The following DRG2 variants were observed in gnomAD, a reference collection of about 807,000 sequenced individuals.
DRG2 encodes developmentally regulated GTP binding protein 2.
Under a neutral mutation model 53.4 loss-of-function variants are expected in DRG2, and 36 were observed. The observed-to-expected ratio is 0.67, with a 90% CI of 0.52 to 0.89. DRG2 has a LOEUF of 0.89. DRG2 is among the 40% of genes least tolerant of loss of function. The pLI, the probability that DRG2 is intolerant of heterozygous loss-of-function variation, is 0.00. For synonymous variants in DRG2, 167 were observed against 192.1 expected (o/e 0.87, Z 1.08); for missense variants, 342 against 481.2 (o/e 0.71, Z 2.71).
rs904589308 is a variant in DRG2, at chr17:18,106,448, C to T, written c.970C>T (p.Arg324Trp). 3 of 1,613,928 alleles carry T rather than the reference C, an allele frequency of 1.9e-6. No individual in the cohort carries two copies. Among genetic ancestry groups the T allele is most frequent in the Admixed American group, 1.7e-5 (1 of 59,990 alleles). Residue 324 changes from arginine to tryptophan, a missense_variant, in exon 12 of 13, where the codon CGG becomes TGG. Arg to Trp is a moderately radical substitution (Grantham distance 101, BLOSUM62 -3). Coordinates refer to ENST00000225729, the MANE Select transcript of DRG2 (RefSeq NM_001388.5). Reference protein sequence around the residue: ...SVEHVCHRIHRSLASQFKYAL... With the variant: ...SVEHVCHRIHWSLASQFKYAL... ...TGTCCTCCAGTGCCACCGCATCCAC[C>T]GGTCACTCGCCAGCCAGTTCAAGTA...
At chr17:18,093,769 GAC>G in intron 1 of DRG2, 42 bp from the exon 2 acceptor site, 1 of 1,594,852 alleles carries the variant, frequency 6.3e-7, no homozygotes. Context: ...CCTGGGCTTG[GAC>G]ACCCTGGCCA....
At chr17:18,091,884 A>G (rs911982106) in intron 1 of DRG2, 1 of 152,154 alleles carries the variant, frequency 6.6e-6, no homozygotes, top group Non-Finnish European at 1.5e-5. Flanking sequence ...AAATCTGCCT[A>G]AGAAGTTACT....
At position 18,099,844 on chromosome 17, in the gene DRG2, T is replaced by C. The variant is rs971024135; in HGVS notation, c.467+121T>C. The C allele has an allele frequency of 9.9e-7, 1 of 1,014,316 alleles. No homozygotes were observed. The highest frequency in any genetic ancestry group is 1.6e-5 in the African/African-American group (1 of 62,186). The allele number at this position is 1,014,316 out of a possible 1,614,324, so 62.8% of individuals were successfully genotyped here. A position where few individuals can be genotyped will look rare whatever the true frequency, so the allele number is the denominator to read the frequency against. ...TCACACGTGAGAGTAGTGGTAGGACTTGTCACAGACTAAACCCAACACCAC... is the reference window on the plus strand; with the variant it reads ...TCACACGTGAGAGTAGTGGTAGGACCTGTCACAGACTAAACCCAACACCAC... On this transcript the variant is annotated intron_variant, in intron 5 of 12. Transcript: ENST00000225729. This position sits in a 1 kb window ranked among gnomAD's most constrained non-coding sequence, Gnocchi z 4.4.
Position 18,100,157 on chromosome 17 carries a change from G to A in DRG2, c.468-206G>A, listed in dbSNP as rs978740176. The stretch of plus-strand genomic sequence containing the variant: ...TGCCTGTGCATGCCGACCGTAAACC[G>A]GGCCAGTCCCCTCTGGGACTGTGGC... On this transcript the variant is annotated intron_variant, in intron 5 of 12. Transcript: ENST00000225729. The surrounding 1 kb of genome is among the most constrained non-coding windows in gnomAD (Gnocchi z 4.1). 16 of 620,162 alleles carry A rather than the reference G, an allele frequency of 2.6e-5. No individual in the cohort carries two copies. The highest frequency in any genetic ancestry group is 1.4e-4 in the South Asian group (7 of 51,390). The allele number at this position is 620,162 out of a possible 1,614,324, so 38.4% of individuals were successfully genotyped here. A position where few individuals can be genotyped will look rare whatever the true frequency, so the allele number is the denominator to read the frequency against.
chr17:18,104,638 C>G lies in DRG2; in HGVS notation c.911C>G (p.Thr304Arg). ...TGCCCTGCAGAGAGGCCAGACTTCA[C>G]AGACGCCATCATTCTCCGGAAAGGG... ...TKKRGQRPDF[T>R]DAIILRKGAS... The change falls in exon 11 of 13, where the codon ACA (threonine) becomes AGA (arginine). Residue 304 changes from threonine (T) to arginine (R), a missense_variant. Thr to Arg is a moderately conservative substitution (Grantham distance 71). Coordinates refer to ENST00000225729, the MANE Select transcript of DRG2 (RefSeq NM_001388.5). 6.2e-7 allele frequency: 1 copy of G among 1,613,888 alleles called. No individual in the cohort carries two copies. The highest frequency in any genetic ancestry group is 8.5e-7 in the Non-Finnish European group (1 of 1,180,018).
chr17:18,101,819 G>C lies in DRG2; in HGVS notation c.730-102G>C, dbSNP rs1437508423. The C allele has an allele frequency of 1.5e-5, 20 of 1,368,660 alleles. No homozygotes were observed. In the East Asian group the frequency reaches 5.0e-4, roughly 34 times the overall value. 84.8% of individuals were successfully genotyped at this position (1,368,660 alleles called of 1,614,324 possible). ...CAAGGGGAGGAAGGGCGTAGACTCA[G>C]CTCTCCAAGGAAGGGCTGCAGCCGG... On this transcript the variant is annotated intron_variant, in intron 8 of 12. Coordinates refer to ENST00000225729, the MANE Select transcript of DRG2 (RefSeq NM_001388.5).
rs2045596716 is a variant in DRG2 at position 18,104,682 on chromosome 17, GTGAGTTGACAAGA to G, written c.954+2_954+14del. ...GAAAGGGGCCTCAGTGGAGCACGTGGTGAGTTGACAAGACCTGCCGTGACAAGGGGTGGGAGCT... is the reference window on the plus strand; with the variant it reads ...GAAAGGGGCCTCAGTGGAGCACGTGGCCTGCCGTGACAAGGGGTGGGAGCT... On this transcript the variant is annotated splice_donor_variant and splice_donor_5th_base_variant and intron_variant, in intron 11 of 12. Transcript: ENST00000225729. LOFTEE classifies it high-confidence loss of function. 5.6e-6 allele frequency: 9 copies of G among 1,613,724 alleles called. No homozygotes were observed. The highest frequency in any genetic ancestry group is 7.6e-6 in the Non-Finnish European group (9 of 1,180,030).
Position 18,088,016 on chromosome 17 carries a change from C to T in DRG2, c.-8C>T. The T allele has an allele frequency of 6.5e-7, 1 of 1,548,384 alleles. No individual in the cohort carries two copies. The highest frequency in any genetic ancestry group is 8.7e-7 in the Non-Finnish European group (1 of 1,145,900). On this transcript the variant is annotated 5_prime_UTR_variant, in exon 1 of 13. Coordinates refer to ENST00000225729, the MANE Select transcript of DRG2 (RefSeq NM_001388.5). ...ACCGCTGTCTGTGCGCCCACCTCTG[C>T]TGCTACCATGGGGATCTTAGAGAAG...
rs75871418 is a variant in DRG2, at chr17:18,104,701, C to T, written c.954+20C>T. On this transcript the variant is annotated intron_variant, in intron 11 of 12. Coordinates refer to ENST00000225729, the MANE Select transcript of DRG2 (RefSeq NM_001388.5). ...CACGTGGTGAGTTGACAAGACCTGC[C>T]GTGACAAGGGGTGGGAGCTCTGCAT... 21 of 1,613,808 alleles carry T rather than the reference C, an allele frequency of 1.3e-5. No individual in the cohort carries two copies. The highest frequency in any genetic ancestry group is 1.5e-5 in the Non-Finnish European group (18 of 1,180,000).
At chr17:18,104,113 C>T (rs1393448539) in intron 10 of DRG2, among the ~76,000 whole-genome samples, 1 of 152,182 alleles carries the variant, frequency 6.6e-6, no homozygotes, top group Non-Finnish European at 1.5e-5. Flanking sequence ...AGTCAGTGCC[C>T]TCCTGACCTC....
intron 1 of DRG2, 50 bp from the exon 2 acceptor site, chr17:18,093,763 G>A (rs1164008643): frequency 1.1e-5 from 18 of 1,592,216 alleles, no homozygotes; most frequent in Non-Finnish European, 1.4e-5. Context: ...CTGACCCCTG[G>A]GCTTGGACAC....
intron 10 of DRG2, among the ~76,000 whole-genome samples, chr17:18,104,104 G>T (rs1369687677): frequency 6.6e-6 from 1 of 152,186 alleles, no homozygotes; most frequent in African/African-American, 2.4e-5. Flanking sequence ...GGCTGTAGCA[G>T]TCAGTGCCCT....
At position 18,098,946 on chromosome 17, in the gene DRG2, C is replaced by T; in HGVS notation, c.316-71C>T. ...TGAGCCCCGGGGCCATTCCAGATGT[C>T]CCAGATCCAGACAGGACCTTTCCAG... On this transcript the variant is annotated intron_variant, in intron 3 of 12. Transcript: ENST00000225729. The surrounding 1 kb of genome is among the most constrained non-coding windows in gnomAD (Gnocchi z 4.1). The T allele has an allele frequency of 6.4e-7, 1 of 1,573,876 alleles. No homozygotes were observed. Among genetic ancestry groups the T allele is most frequent in the Middle Eastern group, 1.7e-4 (1 of 5,736 alleles).
At chr17:18,088,401 C>T (rs757126850) in intron 1 of DRG2, among the ~76,000 whole-genome samples, 2 of 152,232 alleles carry the variant, frequency 1.3e-5, no homozygotes, top group African/African-American at 4.8e-5. Context: ...ACCTCAGTCT[C>T]CTGATGGCTG....
chr17:18,093,829 G>A lies in DRG2; in HGVS notation c.81G>A (p.Leu27=). The stretch of plus-strand genomic sequence containing the variant: ...ATCCTTTAGCCACTGAGTATCATCT[G>A]GGCCTGCTGAAAGCTAAGCTCGCCA... ...TQKNKATEYH[L]GLLKAKLAKY... Residue 27 remains leucine (L), a synonymous_variant, in exon 2 of 13, where the codon CTG becomes CTA. Transcript: ENST00000225729. 5.0e-6 allele frequency: 8 copies of A among 1,614,078 alleles called. No homozygotes were observed. The highest frequency in any genetic ancestry group is 6.8e-6 in the Non-Finnish European group (8 of 1,179,984).
At chr17:18,106,303 GAC>G (rs2045628875) in intron 11 of DRG2, 128 bp from the exon 12 acceptor site, 2 of 970,792 alleles carry the variant, frequency 2.1e-6, no homozygotes, top group Non-Finnish European at 3.3e-6. Context: ...ACAAGGCCCA[GAC>G]TGTGTGGGCA....
At chr17:18,096,687 T>G (rs1438857229) in intron 2 of DRG2, 4 of 152,232 alleles carry the variant, frequency 2.6e-5, no homozygotes, top group Non-Finnish European at 4.4e-5. Flanking sequence ...ACAGAATCAC[T>G]CTGGCTGTTG....
chr17:18,092,757 G>A (rs576375521), intron 1 of DRG2, among the ~76,000 whole-genome samples: 1 of 152,314 alleles, frequency 6.6e-6, no homozygotes, highest in East Asian at 1.9e-4. Flanking sequence ...ATCTAACGAA[G>A]TTACCCTGAA....
At position 18,107,256 on chromosome 17, in the gene DRG2, C is replaced by G; in HGVS notation, c.*16C>G. 6.2e-7 allele frequency: 1 copy of G among 1,611,698 alleles called. No homozygotes were observed. Among genetic ancestry groups the G allele is most frequent in the South Asian group, 1.1e-5 (1 of 91,034 alleles). On this transcript the variant is annotated 3_prime_UTR_variant, in exon 13 of 13. Coordinates refer to ENST00000225729, the MANE Select transcript of DRG2 (RefSeq NM_001388.5). ...GAAGAAGTAACGGCGCCTGCCGGGC[C>G]TCCCGCCCACCTGCCTCGTCTCCCT...
Sources: allele counts gnomAD v4.1 joint callset (sites outside exome capture counted in the v4.1 genomes callset), GRCh38; gene constraint gnomAD v4.1.1; non-coding constraint Gnocchi (gnomAD v3.1); transcripts MANE v1.5; gene names NCBI Gene and HGNC (gene_info 2026-07-23, HGNC 2026-07-21).